Variants in TIAM2 observed in about 807,000 individuals in gnomAD.
The protein encoded by TIAM2 is rho guanine nucleotide exchange factor TIAM2.
A neutral mutation model predicts 152.9 loss-of-function variants in TIAM2; 80 were observed. That is an observed-to-expected ratio of 0.52 (90% confidence interval 0.44 to 0.63). The LOEUF (loss-of-function observed/expected upper bound fraction) is 0.63. Among genes scored for constraint, TIAM2 ranks in the 30% least tolerant of loss-of-function variants. TIAM2 has a pLI of 0.00. For missense variants in TIAM2, 1,965 were observed against 2,120.1 expected (o/e 0.93, Z 1.44); for synonymous variants, 804 against 838.0 (o/e 0.96, Z 0.70).
At chr6:155,042,300 G>C (rs1220010129) in intron 1 of TIAM2, among the ~76,000 whole-genome samples, 1 of 137,446 alleles carries the variant, frequency 7.3e-6, no homozygotes, top group Non-Finnish European at 1.5e-5. Flanking sequence ...AACTTCCAAA[G>C]CCCATCCCTT....
At chr6:155,185,422 C>G (rs779686381) in intron 14 of TIAM2, among the ~76,000 whole-genome samples, 1 of 151,794 alleles carries the variant, frequency 6.6e-6, no homozygotes, top group East Asian at 1.9e-4. Context: ...CAACCGCGCC[C>G]GGCTGTTTTT....
intron 15 of TIAM2, among the ~76,000 whole-genome samples, chr6:155,220,828 C>G (rs947130114): frequency 6.6e-6 from 1 of 152,122 alleles, no homozygotes; most frequent in Non-Finnish European, 1.5e-5. Context: ...AGGTTTGTTA[C>G]ATAGGTATAC....
chr6:155,140,911 T>G (rs1158866084), intron 5 of TIAM2, among the ~76,000 whole-genome samples: 2 of 152,164 alleles, frequency 1.3e-5, no homozygotes, highest in African/African-American at 4.8e-5. Context: ...CTGACCACAT[T>G]TGTCCAGAGC....
chr6:155,251,121 G>A (rs1783630141), intron 22 of TIAM2, 100 bp downstream of exon 22: 1 of 1,016,744 alleles, frequency 9.8e-7, no homozygotes, highest in Non-Finnish European at 1.5e-6. Flanking sequence ...AGCTCCAGGA[G>A]TCAGAATTGC....
In TIAM2 at chr6:155,240,584, G is replaced by C. The variant is rs868236717; in HGVS notation, c.3223G>C (p.Gly1075Arg). The change falls in exon 16 of 27, where the codon GGC becomes CGC. Residue 1075 changes from glycine (G) to arginine (R), a missense_variant. Gly to Arg is a moderately radical substitution (Grantham distance 125, BLOSUM62 -2). Transcript: ENST00000682666. ...CRSFNDSQANGMEGPRENQDP... is the reference protein window; with the variant it reads ...CRSFNDSQANRMEGPRENQDP... ...GAGTTTTAACGACAGTCAGGCCAAC[G>C]GCATGGAAGGACCGCGGGAGAATCA... is the stretch of plus-strand genomic sequence containing the variant. 2 of 1,614,126 alleles carry C rather than the reference G, an allele frequency of 1.2e-6. No homozygotes were observed. The highest frequency in any genetic ancestry group is 1.7e-6 in the Non-Finnish European group (2 of 1,180,048).
At chr6:155,087,328 G>A (rs1455293758) in intron 1 of TIAM2, among the ~76,000 whole-genome samples, 1 of 152,222 alleles carries the variant, frequency 6.6e-6, no homozygotes, top group Non-Finnish European at 1.5e-5. Flanking sequence ...ATAGTTTTCA[G>A]TTAGTAAATC....
chr6:155,110,894 C>A (rs9371859), intron 2 of TIAM2, among the ~76,000 whole-genome samples: 108,773 of 152,096 alleles, frequency 0.72, 38,940 homozygotes, highest in Admixed American at 0.8. Context: ...AATAAAGGTT[C>A]AAAAATCCTG....
intron 14 of TIAM2, among the ~76,000 whole-genome samples, chr6:155,203,048 C>CAAAAAAAAAAG (rs1781514641): frequency 1.3e-5 from 1 of 78,920 alleles, no homozygotes; most frequent in Non-Finnish European, 2.2e-5. Flanking sequence ...AACTCTGTCT[C>CAAAAAAAAAAG]AAAAAAAAAA....
intron 1 of TIAM2, among the ~76,000 whole-genome samples, chr6:155,064,768 C>T (rs754349191): frequency 2.0e-5 from 3 of 152,040 alleles, no homozygotes; most frequent in Admixed American, 6.6e-5. Context: ...TATTTATTCC[C>T]AGCTCTAGTT....
rs568658294 is a variant in TIAM2, at chr6:155,031,137, A to G, written c.-209+35645A>G. On this transcript the variant is annotated intron_variant, in intron 1 of 26. Coordinates refer to ENST00000682666, the MANE Select transcript of TIAM2 (RefSeq NM_012454.4). ...CTTTGACAGTATTCTGAAAATTCCA[A>G]TGTGAACATGCATGGTCATAAATAC... Among the ~76,000 whole-genome samples the G allele has an allele frequency of 1.2e-4, 18 of 152,316 alleles. No homozygotes were observed. In the East Asian group the frequency reaches 2.5e-3, roughly 21 times the overall value.
At chr6:154,998,578 T>G (rs1778260932) in intron 1 of TIAM2, among the ~76,000 whole-genome samples, 1 of 152,182 alleles carries the variant, frequency 6.6e-6, no homozygotes, top group Admixed American at 6.5e-5. Flanking sequence ...CAAGCTACAA[T>G]CAATATGTGA....
rs766164967 is a variant in TIAM2, at chr6:155,174,012, A to C, written c.2362-2804A>C. Among the ~76,000 whole-genome samples the C allele has an allele frequency of 1.5e-4, 23 of 152,214 alleles. No individual in the cohort carries two copies. Among genetic ancestry groups the C allele is most frequent in the Non-Finnish European group, 2.9e-4 (20 of 68,030 alleles). Reference sequence around the variant, plus strand: ...GGAGCATGCCACTCCCTTCTGGGGAATGTTCCCTGAGCCATTCTGTTCAAT... The same window carrying C: ...GGAGCATGCCACTCCCTTCTGGGGACTGTTCCCTGAGCCATTCTGTTCAAT... On this transcript the variant is annotated intron_variant, in intron 9 of 26. Coordinates refer to ENST00000682666, the MANE Select transcript of TIAM2 (RefSeq NM_012454.4). This position sits in a 1 kb window ranked among gnomAD's most constrained non-coding sequence, Gnocchi z 4.2.
chr6:155,212,103 T>C (rs1583252643), intron 15 of TIAM2, among the ~76,000 whole-genome samples: 1 of 152,252 alleles, frequency 6.6e-6, no homozygotes, highest in African/African-American at 2.4e-5. Flanking sequence ...ACATTTTGTT[T>C]ATTCATTCAT....
chr6:155,172,704 T>C (rs1780657538), intron 9 of TIAM2, among the ~76,000 whole-genome samples: 1 of 110,382 alleles, frequency 9.1e-6, no homozygotes, highest in African/African-American at 3.7e-5. Context: ...TTTTTTTTTT[T>C]TTTTTTTTCT....
chr6:155,137,632 C>CT lies in TIAM2; in HGVS notation c.1630+21dup. On this transcript the variant is annotated intron_variant, in intron 5 of 26. Coordinates refer to ENST00000682666, the MANE Select transcript of TIAM2 (RefSeq NM_012454.4). ...TGAAAGGTGAGTGCAGTGTCACCTG[C>CT]TGAGGCCACTGGGGATTGTTTCCGC... 1 of 1,538,558 alleles carries CT rather than the reference C, an allele frequency of 6.5e-7. No homozygotes were observed. Among genetic ancestry groups the CT allele is most frequent in the Non-Finnish European group, 8.7e-7 (1 of 1,149,584 alleles).
intron 2 of TIAM2, 49 bp from the exon 3 acceptor site, chr6:155,127,441 G>A (rs1382329039): frequency 1.8e-5 from 7 of 395,728 alleles, no homozygotes; most frequent in Admixed American, 1.6e-4. Context: ...CTTTGTGGGA[G>A]CTTGGAGTAA....
chr6:155,173,253 T>C (rs1243939219), intron 9 of TIAM2, among the ~76,000 whole-genome samples: 1 of 151,828 alleles, frequency 6.6e-6, no homozygotes. Flanking sequence ...TAACTTTTCA[T>C]TGAGGGACTC....
At chr6:155,115,228 A>G (rs1349230548) in intron 2 of TIAM2, among the ~76,000 whole-genome samples, 2 of 151,758 alleles carry the variant, frequency 1.3e-5, no homozygotes, top group Admixed American at 6.6e-5. Flanking sequence ...ATTTAAAATT[A>G]TTATTTTATT....
intron 1 of TIAM2, among the ~76,000 whole-genome samples, chr6:155,050,617 C>G (rs1777297154): frequency 1.3e-5 from 2 of 152,212 alleles, no homozygotes; most frequent in South Asian, 4.1e-4. Context: ...AGGCTGCGTG[C>G]TTTCCTAGCT....
Sources: allele counts gnomAD v4.1 joint callset (sites outside exome capture counted in the v4.1 genomes callset), GRCh38; gene constraint gnomAD v4.1.1; non-coding constraint Gnocchi (gnomAD v3.1); transcripts MANE v1.5; gene names NCBI Gene and HGNC (gene_info 2026-07-23, HGNC 2026-07-21).